ZNF367: variants seen among roughly 807,000 people sequenced by gnomAD.
The protein encoded by ZNF367 is C2H2 zinc finger protein ZFF29.
Under a neutral mutation model 31.8 loss-of-function variants are expected in ZNF367, and 11 were observed. The ratio of observed to expected loss-of-function variants is 0.35; its 90% CI spans 0.22 to 0.57. The LOEUF (loss-of-function observed/expected upper bound fraction) is 0.57. Ranked by LOEUF, ZNF367 falls within the 20% of genes least tolerant of loss-of-function variation. The pLI is 0.85. For synonymous variants in ZNF367, 199 were observed against 202.4 expected (o/e 0.98, Z 0.14); for missense variants, 353 against 484.1 (o/e 0.73, Z 2.54).
chr9:96,404,026 T>C (rs565053032), intron 1 of ZNF367, among the ~76,000 whole-genome samples: 1 of 151,670 alleles, frequency 6.6e-6, no homozygotes, highest in Admixed American at 6.6e-5. Context: ...AAATCTCATT[T>C]CTACCAAAAA....
chr9:96,412,306 T>C (rs751911894), intron 1 of ZNF367, among the ~76,000 whole-genome samples: 24 of 152,230 alleles, frequency 1.6e-4, no homozygotes, highest in Non-Finnish European at 3.1e-4. Context: ...TTAGTAATTA[T>C]AATTTTAAAA....
At position 96,393,941 on chromosome 9, in the gene ZNF367, TAATC is replaced by T. The variant is rs371025390; in HGVS notation, c.691+878_691+881del. ...TTGCAGACTTTTGCAACATTTGTAA[TAATC>T]AAGAAAATTACAGAGCAACAGGACA... On this transcript the variant is annotated intron_variant, in intron 3 of 4. Coordinates refer to ENST00000375256, the MANE Select transcript of ZNF367 (RefSeq NM_153695.4). Among the ~76,000 whole-genome samples the T allele has an allele frequency of 1.4e-3, 215 of 152,344 alleles. 3 individuals carry two copies. Among genetic ancestry groups the T allele is most frequent in the South Asian group, 0.012 (57 of 4,830 alleles).
Position 96,413,227 on chromosome 9 carries a change from T to G in ZNF367, c.420+4386A>C, listed in dbSNP as rs1044379515. Among the ~76,000 whole-genome samples, 170 of 152,218 alleles carry G rather than the reference T, an allele frequency of 1.1e-3. 1 individual carries two copies. The highest frequency in any genetic ancestry group is 4.0e-3 in the African/African-American group (165 of 41,530). ...TCCTCATCAGGTAAACAGGATAAAA[T>G]GAATTAAAGAATTCAAAATGCTCAA... On this transcript the variant is annotated intron_variant, in intron 1 of 4. Coordinates refer to ENST00000375256, the MANE Select transcript of ZNF367 (RefSeq NM_153695.4).
intron 4 of ZNF367, among the ~76,000 whole-genome samples, chr9:96,390,079 G>A (rs561992504): frequency 6.6e-6 from 1 of 151,190 alleles, no homozygotes; most frequent in Non-Finnish European, 1.5e-5. Flanking sequence ...CACCAGGCCT[G>A]TATTTTTAGT....
intron 3 of ZNF367, among the ~76,000 whole-genome samples, chr9:96,393,755 C>T (rs892708172): frequency 5.9e-5 from 9 of 152,158 alleles, no homozygotes; most frequent in African/African-American, 1.2e-4. Flanking sequence ...CGCTTGAACC[C>T]AGGAGGCGGA....
In ZNF367 at chr9:96,417,533, C is replaced by A; in HGVS notation, c.420+80G>T. The A allele has an allele frequency of 3.5e-6, 1 of 285,718 alleles. No homozygotes were observed. Among genetic ancestry groups the A allele is most frequent in the South Asian group, 1.4e-4 (1 of 6,904 alleles). 17.7% of individuals were successfully genotyped at this position (285,718 alleles called of 1,614,324 possible). On this transcript the variant is annotated intron_variant, in intron 1 of 4. Transcript: ENST00000375256. This position sits in a 1 kb window ranked among gnomAD's most constrained non-coding sequence, Gnocchi z 5.0. ...CGTAGCCGGATCGACCTCGCGTTTT[C>A]AACTCCGCCCCGCCCGCCGCACCGT...
chr9:96,410,258 C>CA (rs1043024078), intron 1 of ZNF367, among the ~76,000 whole-genome samples: 50 of 110,644 alleles, frequency 4.5e-4, no homozygotes, highest in African/African-American at 7.0e-4. Flanking sequence ...AACTCTGTCT[C>CA]AAAAAAAAAA....
At position 96,417,637 on chromosome 9, in the gene ZNF367, G is replaced by T; in HGVS notation, c.396C>A (p.Ser132Arg). Reference sequence around the variant, plus strand: ...CCTTGAGGTGGCCGCTGTCTGGGCTGCTCGCTTCCTCCTCGTCCTCACCTC... The same window carrying T: ...CCTTGAGGTGGCCGCTGTCTGGGCTTCTCGCTTCCTCCTCGTCCTCACCTC... ...ASGGEDEEEA[S>R]SPDSGHLKDG... The change falls in exon 1 of 5, where the codon AGC (serine) becomes AGA (arginine). Residue 132 changes from serine (S) to arginine (R), a missense_variant. Ser to Arg is a moderately radical substitution (Grantham distance 110). This residue lies in a region of ZNF367 where 70 missense variants were observed against 57.1 expected (regional missense o/e 1.23). Coordinates refer to ENST00000375256, the MANE Select transcript of ZNF367 (RefSeq NM_153695.4). This position sits in a 1 kb window ranked among gnomAD's most constrained non-coding sequence, Gnocchi z 5.0. 1.2e-6 allele frequency: 1 copy of T among 827,484 alleles called. No individual in the cohort carries two copies. Among genetic ancestry groups the T allele is most frequent in the Non-Finnish European group, 1.6e-6 (1 of 625,504 alleles). The allele number at this position is 827,484 out of a possible 1,614,324, so 51.3% of individuals were successfully genotyped here.
intron 2 of ZNF367, 138 bp downstream of exon 2, chr9:96,398,026 C>T: frequency 1.3e-6 from 1 of 743,804 alleles, no homozygotes; most frequent in Non-Finnish European, 2.0e-6. Context: ...GGAGGCGGAG[C>T]TTGCAGTAAG....
chr9:96,395,740 C>T (rs922834339), intron 2 of ZNF367, among the ~76,000 whole-genome samples: 10 of 152,134 alleles, frequency 6.6e-5, no homozygotes, highest in African/African-American at 2.4e-4. Context: ...CTTCATTAAC[C>T]TGGGGTCCTG....
chr9:96,406,720 G>T (rs1157991232), intron 1 of ZNF367, among the ~76,000 whole-genome samples: 1 of 152,104 alleles, frequency 6.6e-6, no homozygotes, highest in Non-Finnish European at 1.5e-5. Context: ...GACCGTGGGG[G>T]CCGGGCACGG....
rs1004017414 is a variant in ZNF367 at position 96,408,108 on chromosome 9, T to C, written c.420+9505A>G. Among the ~76,000 whole-genome samples the C allele has an allele frequency of 1.1e-4, 16 of 152,216 alleles. No homozygotes were observed. In the South Asian group the frequency reaches 3.1e-3, roughly 30 times the overall value. On this transcript the variant is annotated intron_variant, in intron 1 of 4. Transcript: ENST00000375256. ...GGATAGCATTAGGAGATATACCTAA[T>C]GTAAATGACGAGTTAATGGGTGCAG... is the stretch of plus-strand genomic sequence containing the variant.
intron 3 of ZNF367, among the ~76,000 whole-genome samples, chr9:96,394,429 C>T (rs949393176): frequency 4.6e-5 from 7 of 152,076 alleles, no homozygotes; most frequent in African/African-American, 1.2e-4. Context: ...TTATAGCACA[C>T]GGTGACTATA....
chr9:96,411,647 A>T (rs1401557281), intron 1 of ZNF367, among the ~76,000 whole-genome samples: 1 of 148,694 alleles, frequency 6.7e-6, no homozygotes, highest in African/African-American at 2.5e-5. Context: ...TAGTTAACAT[A>T]AAAAAAAAAG....
At chr9:96,392,678 C>T (rs183191834) in intron 3 of ZNF367, 142 bp from the exon 4 acceptor site, 4 of 1,265,074 alleles carry the variant, frequency 3.2e-6, no homozygotes, top group Non-Finnish European at 3.2e-6. Context: ...AGAAAACAAT[C>T]AAACCAGCAC....
chr9:96,401,657 CAAAAAAA>C (rs35400858), intron 1 of ZNF367, among the ~76,000 whole-genome samples: 5 of 77,234 alleles, frequency 6.5e-5, no homozygotes, highest in Admixed American at 3.1e-4. Flanking sequence ...AGCTCCGTCT[CAAAAAAA>C]AAAAAAAAAA....
intron 1 of ZNF367, among the ~76,000 whole-genome samples, chr9:96,405,899 G>A (rs1831666189): frequency 6.6e-6 from 1 of 152,142 alleles, no homozygotes; most frequent in South Asian, 2.1e-4. Flanking sequence ...TCACTAGATT[G>A]TACACTTTAA....
intron 1 of ZNF367, among the ~76,000 whole-genome samples, chr9:96,408,512 A>G (rs1831700532): frequency 6.6e-6 from 1 of 152,194 alleles, no homozygotes; most frequent in African/African-American, 2.4e-5. Context: ...GCTAAGTAAA[A>G]CAAACCAGTG....
rs2131068213 is a variant in ZNF367 at position 96,387,396 on chromosome 9, A to C, written c.*841T>G. 6.6e-6 allele frequency: 1 copy of C among 152,318 alleles called. No homozygotes were observed. The highest frequency in any genetic ancestry group is 2.4e-5 in the African/African-American group (1 of 41,578). 9.4% of individuals were successfully genotyped at this position (152,318 alleles called of 1,614,324 possible). On this transcript the variant is annotated 3_prime_UTR_variant, in exon 5 of 5. Coordinates refer to ENST00000375256, the MANE Select transcript of ZNF367 (RefSeq NM_153695.4). ...GCAGGTGTCCCTTTAGTAAAAATCC[A>C]AGTGCCAAATCTCATTACAGGGCCC...
Sources: allele counts gnomAD v4.1 joint callset (sites outside exome capture counted in the v4.1 genomes callset), GRCh38; gene constraint gnomAD v4.1.1; regional missense constraint gnomAD v4.1.1; non-coding constraint Gnocchi (gnomAD v3.1); transcripts MANE v1.5; gene names NCBI Gene and HGNC (gene_info 2026-07-23, HGNC 2026-07-21).